Variants in ZNF586 observed in about 807,000 individuals in gnomAD.
ZNF586 encodes the protein zinc finger protein 586.
ZNF586 carries 7 observed loss-of-function variants against 6.7 expected under a neutral mutation model. That is an observed-to-expected ratio of 1.04 (90% CI 0.59 to 1.95). The LOEUF is 1.95. ZNF586 is among the 30% of genes most tolerant of loss of function. The probability of loss-of-function intolerance (pLI) is 0.00; values close to 1 mark genes in which losing one functional copy is unlikely to be tolerated. For missense variants in ZNF586, 442 were observed against 489.6 expected (o/e 0.90, Z 0.92); for synonymous variants, 166 against 168.7 (o/e 0.98, Z 0.12).
At position 57,779,581 on chromosome 19, in the gene ZNF586, CT is replaced by C; in HGVS notation, c.996del (p.Ile333LeufsTer4). On this transcript the variant is annotated frameshift_variant, in exon 3 of 3. Transcript: ENST00000396154. LOFTEE classifies it low-confidence loss of function (END_TRUNC). ...GAAATCCTTTAGCCGAAAATCTAGC[CT>C]TATTATACATCTGAGAGTTCACACT... Reference protein sequence around the residue: ...CGKSFSRKSSLIIHLRVHTGE... With the variant: ...CGKSFSRKSSXIIHLRVHTGE... 6.2e-7 allele frequency: 1 copy of C among 1,613,496 alleles called. No homozygotes were observed. Among genetic ancestry groups the C allele is most frequent in the Non-Finnish European group, 8.5e-7 (1 of 1,179,884 alleles).
At chr19:57,774,681 G>A (rs1263206045) in intron 1 of ZNF586, 3 of 869,468 alleles carry the variant, frequency 3.5e-6, no homozygotes, top group Non-Finnish European at 4.1e-6. Context: ...TGCATGGAGG[G>A]CGTCAGAATG....
At chr19:57,775,704 A>G (rs1437559152) in intron 1 of ZNF586, among the ~76,000 whole-genome samples, 1 of 151,068 alleles carries the variant, frequency 6.6e-6, no homozygotes, top group African/African-American at 2.4e-5. Flanking sequence ...CTGGGTTCAA[A>G]TGATTCTCCT....
Position 57,779,105 on chromosome 19 carries a change from C to T in ZNF586, c.518C>T (p.Thr173Ile). 1 of 1,614,036 alleles carries T rather than the reference C, an allele frequency of 6.2e-7. No homozygotes were observed. The highest frequency in any genetic ancestry group is 1.1e-5 in the South Asian group (1 of 91,076). Residue 173 changes from threonine (T) to isoleucine (I), a missense_variant, in exon 3 of 3, where the codon ACT becomes ATT. Thr to Ile is a moderately conservative substitution (Grantham distance 89). Coordinates refer to ENST00000396154, the MANE Select transcript of ZNF586 (RefSeq NM_017652.4). ...CTCTTGCAGCGTCAGACACTTCACA[C>T]TAGAGAAAGGCCTTATGAGTGTATT... ...SSLLQRQTLHTRERPYECIEC... is the reference protein window; with the variant it reads ...SSLLQRQTLHIRERPYECIEC...
Position 57,779,239 on chromosome 19 carries a change from AC to A in ZNF586, c.653del (p.Thr218AsnfsTer36). ...CNECGKSFAY[T>X]SSLIKHRRIH... ...TGAATGTGGGAAGTCCTTTGCTTATACATCTAGTCTCATTAAACACAGGAGG... is the reference window on the plus strand; with the variant it reads ...TGAATGTGGGAAGTCCTTTGCTTATAATCTAGTCTCATTAAACACAGGAGG... On this transcript the variant is annotated frameshift_variant, in exon 3 of 3. Transcript: ENST00000396154. LOFTEE classifies it low-confidence loss of function (END_TRUNC). 1.2e-6 allele frequency: 2 copies of A among 1,614,092 alleles called. No homozygotes were observed. Among genetic ancestry groups the A allele is most frequent in the Non-Finnish European group, 1.7e-6 (2 of 1,180,026 alleles).
intron 1 of ZNF586, among the ~76,000 whole-genome samples, chr19:57,774,165 G>C (rs9676452): frequency 0.16 from 22,548 of 144,724 alleles, 4,452 homozygotes; most frequent in African/African-American, 0.47. Flanking sequence ...GCAGTGAACC[G>C]AGATTGTGTC....
chr19:57,774,886 C>T, intron 1 of ZNF586: 1 of 288,374 alleles, frequency 3.5e-6, no homozygotes, highest in Non-Finnish European at 5.2e-6. Flanking sequence ...TGCAAATCTC[C>T]CTCCCCACTC....
chr19:57,780,167 AT>A lies in ZNF586; in HGVS notation c.*376del. On this transcript the variant is annotated 3_prime_UTR_variant, in exon 3 of 3. Transcript: ENST00000396154. The stretch of plus-strand genomic sequence containing the variant: ...TCCAGGTATGTGGGAACTGCATAGT[AT>A]TTTTCGACCTGCCCAGGTCTCTTGC... 4.7e-6 allele frequency: 1 copy of A among 211,660 alleles called. No individual in the cohort carries two copies. Among genetic ancestry groups the A allele is most frequent in the Non-Finnish European group, 9.5e-6 (1 of 105,172 alleles). The allele number at this position is 211,660 out of a possible 1,614,324, so 13.1% of individuals were successfully genotyped here.
chr19:57,777,769 T>C (rs1434172537), intron 2 of ZNF586, among the ~76,000 whole-genome samples: 2 of 146,202 alleles, frequency 1.4e-5, no homozygotes, highest in Non-Finnish European at 3.0e-5. Flanking sequence ...TTTTTTTTTT[T>C]TTTGAGATGG....
rs74911211 is a variant in ZNF586 at position 57,769,824 on chromosome 19, TC to T, written c.-11del. On this transcript the variant is annotated 5_prime_UTR_variant, in exon 1 of 3. Transcript: ENST00000396154. ...GACAGGAACACCGCCGAGCCCGCGTTCCCCCCCCGCCCAGAGTCATGGCGGC... is the reference window on the plus strand; with the variant it reads ...GACAGGAACACCGCCGAGCCCGCGTTCCCCCCCGCCCAGAGTCATGGCGGC... 1.1e-5 allele frequency: 16 copies of T among 1,521,490 alleles called. No homozygotes were observed. The highest frequency in any genetic ancestry group is 5.1e-5 in the East Asian group (2 of 38,932). The allele number at this position is 1,521,490 out of a possible 1,614,324, so 94.2% of individuals were successfully genotyped here. A position where few individuals can be genotyped will look rare whatever the true frequency, so the allele number is the denominator to read the frequency against.
At chr19:57,778,728 C>A in intron 2 of ZNF586, 23 bp from the exon 3 acceptor site, 1 of 1,581,224 alleles carries the variant, frequency 6.3e-7, no homozygotes. Flanking sequence ...ACATGTACCT[C>A]ACCAGCATTT....
At chr19:57,772,491 C>G (rs1023757042) in intron 1 of ZNF586, among the ~76,000 whole-genome samples, 2 of 110,266 alleles carry the variant, frequency 1.8e-5, no homozygotes, top group Non-Finnish European at 3.5e-5. Flanking sequence ...AATCACAAGC[C>G]CCAGGATGTT....
At position 57,774,683 on chromosome 19, in the gene ZNF586, G is replaced by A. The variant is rs141652997; in HGVS notation, c.37-1860G>A. ...GTCTGTGGATTTATGCATGGAGGGC[G>A]TCAGAATGATTTGGGGCTACCATTG... On this transcript the variant is annotated intron_variant, in intron 1 of 2. Coordinates refer to ENST00000396154, the MANE Select transcript of ZNF586 (RefSeq NM_017652.4). The A allele has an allele frequency of 1.7e-3, 1,582 of 908,212 alleles. 21 individuals are homozygous for A. In the African/African-American group the frequency reaches 0.025, roughly 14 times the overall value. 56.3% of individuals were successfully genotyped at this position (908,212 alleles called of 1,614,324 possible).
At chr19:57,775,790 C>T (rs958979096) in intron 1 of ZNF586, among the ~76,000 whole-genome samples, 3 of 152,140 alleles carry the variant, frequency 2.0e-5, no homozygotes, top group South Asian at 4.1e-4. Context: ...TTAGTAGAGA[C>T]GGGGTTTCAC....
chr19:57,776,362 C>T (rs780444509), intron 1 of ZNF586, among the ~76,000 whole-genome samples, 181 bp from the exon 2 acceptor site: 2 of 152,122 alleles, frequency 1.3e-5, no homozygotes, highest in African/African-American at 4.8e-5. Context: ...TTGTTGCTGA[C>T]GGCTATGTGT....
intron 2 of ZNF586, among the ~76,000 whole-genome samples, chr19:57,777,319 C>G (rs1478912377): frequency 6.6e-6 from 1 of 152,032 alleles, no homozygotes; most frequent in Admixed American, 6.6e-5. Context: ...CTATTTTTCC[C>G]TTAGTACTTA....
chr19:57,776,680 C>G lies in ZNF586; in HGVS notation c.163+11C>G. 6.3e-7 allele frequency: 1 copy of G among 1,591,038 alleles called. No homozygotes were observed. The highest frequency in any genetic ancestry group is 8.6e-7 in the Non-Finnish European group (1 of 1,169,188). On this transcript the variant is annotated intron_variant, in intron 2 of 2. Coordinates refer to ENST00000396154, the MANE Select transcript of ZNF586 (RefSeq NM_017652.4). ...TTATATCCTCCCTGGGTAAGGTACTCATATTCACCTGTGACCTGAGTTAGT... is the reference window on the plus strand; with the variant it reads ...TTATATCCTCCCTGGGTAAGGTACTGATATTCACCTGTGACCTGAGTTAGT...
chr19:57,770,571 A>C (rs1384115350), intron 1 of ZNF586, among the ~76,000 whole-genome samples: 2 of 152,196 alleles, frequency 1.3e-5, no homozygotes, highest in African/African-American at 4.8e-5. Context: ...ACAGAGTTGA[A>C]GGCAGTGATG....
chr19:57,778,981 C>T lies in ZNF586; in HGVS notation c.394C>T (p.His132Tyr), dbSNP rs762471119. The T allele has an allele frequency of 1.8e-5, 29 of 1,613,182 alleles. No individual in the cohort carries two copies. The highest frequency in any genetic ancestry group is 2.5e-5 in the Non-Finnish European group (29 of 1,179,786). Reference protein sequence around the residue: ...YECSKYGKLFHQKPTLHIHER... With the variant: ...YECSKYGKLFYQKPTLHIHER... The stretch of plus-strand genomic sequence containing the variant: ...GTGCAGCAAATATGGGAAATTATTT[C>T]ACCAAAAGCCTACACTCCATATTCA... Residue 132 changes from histidine to tyrosine, a missense_variant, in exon 3 of 3, where the codon CAC becomes TAC. By Grantham distance (83) the His-to-Tyr change is moderately conservative. Coordinates refer to ENST00000396154, the MANE Select transcript of ZNF586 (RefSeq NM_017652.4).
intron 1 of ZNF586, among the ~76,000 whole-genome samples, chr19:57,775,904 T>G (rs1380884819): frequency 6.6e-6 from 1 of 152,156 alleles, no homozygotes; most frequent in East Asian, 1.9e-4. Flanking sequence ...GCCCGGCCAC[T>G]CTCTCTTATG....
Sources: gnomAD v4.1 joint callset for allele counts (sites outside exome capture counted in the v4.1 genomes callset) on GRCh38, gnomAD v4.1.1 for gene constraint, MANE v1.5 for transcripts, NCBI Gene and HGNC (gene_info 2026-07-23, HGNC 2026-07-21) for gene names.